ADGRL3: variants seen among roughly 807,000 people sequenced by gnomAD.
The protein encoded by ADGRL3 is calcium-independent alpha-latrotoxin receptor 3.
In ADGRL3, 62 loss-of-function variants were observed where a neutral mutation model predicts 153.5. The ratio of observed to expected loss-of-function variants is 0.40; its 90% confidence interval spans 0.33 to 0.50. ADGRL3 has a LOEUF of 0.50. ADGRL3 is among the 20% of genes least tolerant of loss of function. ADGRL3 has a pLI of 0.47. For synonymous variants in ADGRL3, 710 were observed against 672.5 expected (o/e 1.06, Z -0.86); for missense variants, 1,641 against 1,859.4 (o/e 0.88, Z 2.16).
At chr4:61,214,257 A>G (rs565204810) in intron 1 of ADGRL3, among the ~76,000 whole-genome samples, 67 of 152,334 alleles carry the variant, frequency 4.4e-4, no homozygotes, top group Middle Eastern at 3.4e-3. Context: ...TTACTAAAAC[A>G]AAACCATACA....
intron 8 of ADGRL3, among the ~76,000 whole-genome samples, chr4:61,795,666 G>C (rs553019516): frequency 1.3e-5 from 2 of 152,058 alleles, no homozygotes; most frequent in Non-Finnish European, 2.9e-5. Context: ...TGTTCATGGG[G>C]GCTTTCACTA....
rs191912901 is a variant in ADGRL3, at chr4:61,398,353, C to T, written c.-174+15164C>T. ...TCATGGAGTGAGAATGATGAGCCTT[C>T]GTAAATGTATTGACAATAAATGACA... is the stretch of plus-strand genomic sequence containing the variant. On this transcript the variant is annotated intron_variant, in intron 2 of 26. Transcript: ENST00000683033. Among the ~76,000 whole-genome samples, 27 of 151,390 alleles carry T rather than the reference C, an allele frequency of 1.8e-4. 1 individual carries two copies. Among genetic ancestry groups the T allele is most frequent in the African/African-American group, 6.0e-4 (25 of 41,374 alleles).
chr4:62,049,689 G>T (rs1332955970), intron 25 of ADGRL3, among the ~76,000 whole-genome samples: 1 of 152,118 alleles, frequency 6.6e-6, no homozygotes, highest in Non-Finnish European at 1.5e-5. Flanking sequence ...CACCTGTTAG[G>T]AGTATGGTTG....
chr4:61,523,335 G>A (rs1365680851), intron 4 of ADGRL3, among the ~76,000 whole-genome samples: 1 of 152,040 alleles, frequency 6.6e-6, no homozygotes, highest in Non-Finnish European at 1.5e-5. Flanking sequence ...CAGCCTTTTG[G>A]ATGTATCTCT....
At chr4:61,304,107 T>TAGC (rs1054043336) in intron 1 of ADGRL3, among the ~76,000 whole-genome samples, 1 of 152,220 alleles carries the variant, frequency 6.6e-6, no homozygotes, top group African/African-American at 2.4e-5. Context: ...GTTGCTTGTG[T>TAGC]AGCAGCTGCT....
chr4:62,005,440 G>A (rs2099154080), intron 21 of ADGRL3, among the ~76,000 whole-genome samples: 2 of 152,110 alleles, frequency 1.3e-5, no homozygotes, highest in Admixed American at 6.5e-5. Context: ...TAATCCTTGA[G>A]ATCAAATTAT....
intron 2 of ADGRL3, among the ~76,000 whole-genome samples, chr4:61,428,802 C>T (rs1480036520): frequency 6.6e-6 from 1 of 152,008 alleles, no homozygotes; most frequent in Non-Finnish European, 1.5e-5. Context: ...TATCATATAT[C>T]TCACATGTTC....
chr4:61,968,038 T>G (rs1202515405), intron 17 of ADGRL3, among the ~76,000 whole-genome samples: 1 of 152,166 alleles, frequency 6.6e-6, no homozygotes, highest in Non-Finnish European at 1.5e-5. Context: ...GATAACAATA[T>G]TAATCCATTC....
intron 8 of ADGRL3, among the ~76,000 whole-genome samples, chr4:61,796,572 T>C (rs2097415961): frequency 6.6e-6 from 1 of 152,208 alleles, no homozygotes; most frequent in Admixed American, 6.5e-5. Flanking sequence ...CAATAAGGAT[T>C]TGTTGATGAC....
intron 21 of ADGRL3, among the ~76,000 whole-genome samples, chr4:62,023,922 A>AT (rs1560519124): frequency 6.6e-6 from 1 of 152,006 alleles, no homozygotes; most frequent in African/African-American, 2.4e-5. Flanking sequence ...CTACCAATTC[A>AT]TTTTTGTAAA....
chr4:61,504,631 A>G (rs2098415297), intron 3 of ADGRL3, among the ~76,000 whole-genome samples: 1 of 152,132 alleles, frequency 6.6e-6, no homozygotes, highest in Admixed American at 6.6e-5. Flanking sequence ...TGTACCAACT[A>G]ACCATCTTCT....
intron 6 of ADGRL3, 69 bp downstream of exon 6, chr4:61,677,004 A>G (rs1221861055): frequency 3.1e-6 from 3 of 954,816 alleles, no homozygotes; most frequent in African/African-American, 3.3e-5. Flanking sequence ...TGCATTGACA[A>G]ATATTCTCTA....
chr4:61,480,416 T>C (rs1470713103), intron 2 of ADGRL3, among the ~76,000 whole-genome samples: 1 of 152,170 alleles, frequency 6.6e-6, no homozygotes, highest in African/African-American at 2.4e-5. Flanking sequence ...CCACATTTTC[T>C]ATATCAGTTT....
intron 17 of ADGRL3, among the ~76,000 whole-genome samples, chr4:61,978,165 A>G (rs746949594): frequency 6.6e-6 from 1 of 152,190 alleles, no homozygotes; most frequent in African/African-American, 2.4e-5. Flanking sequence ...AGTTGAAAAA[A>G]GTATCAATTA....
chr4:61,412,544 A>G (rs1472530210), intron 2 of ADGRL3, among the ~76,000 whole-genome samples: 1 of 152,196 alleles, frequency 6.6e-6, no homozygotes, highest in Non-Finnish European at 1.5e-5. Context: ...TGTTGGTGGT[A>G]AAGTGGGTTC....
chr4:61,970,609 G>C (rs369047251), intron 17 of ADGRL3, among the ~76,000 whole-genome samples: 1 of 151,988 alleles, frequency 6.6e-6, no homozygotes, highest in Non-Finnish European at 1.5e-5. Flanking sequence ...TATGAATGTT[G>C]TATGCTCTTA....
chr4:61,529,482 G>C (rs187289490), intron 4 of ADGRL3, among the ~76,000 whole-genome samples: 26 of 152,230 alleles, frequency 1.7e-4, no homozygotes, highest in African/African-American at 6.3e-4. Context: ...CTCCCAAAGT[G>C]TCCTGATTTG....
At chr4:61,472,166 G>A (rs990327753) in intron 2 of ADGRL3, among the ~76,000 whole-genome samples, 1 of 152,056 alleles carries the variant, frequency 6.6e-6, no homozygotes, top group Non-Finnish European at 1.5e-5. Flanking sequence ...AGAATGAAGT[G>A]ATAGAACAAT....
intron 1 of ADGRL3, among the ~76,000 whole-genome samples, chr4:61,225,688 G>A (rs372734291): frequency 3.8e-4 from 58 of 152,254 alleles, no homozygotes; most frequent in African/African-American, 1.3e-3. Flanking sequence ...GGCATCTCTA[G>A]TTTTACTTCC....
Sources: gnomAD v4.1 joint callset for allele counts (sites outside exome capture counted in the v4.1 genomes callset) on GRCh38, gnomAD v4.1.1 for gene constraint, MANE v1.5 for transcripts, NCBI Gene and HGNC (gene_info 2026-07-23, HGNC 2026-07-21) for gene names.